The following CNIH3 variants were observed in gnomAD, a reference collection of about 807,000 sequenced individuals.
CNIH3 encodes cornichon family AMPA receptor auxiliary protein 3, also known as protein cornichon homolog 3.
A neutral mutation model predicts 24.1 loss-of-function variants in CNIH3; 14 were observed. The observed-to-expected ratio is 0.58, with a 90% confidence interval of 0.38 to 0.91. The LOEUF (loss-of-function observed/expected upper bound fraction) is 0.91. CNIH3 is among the 40% of genes least tolerant of loss of function. The pLI, the probability that CNIH3 is intolerant of heterozygous loss-of-function variation, is 0.00. For synonymous variants in CNIH3, 68 were observed against 73.8 expected (o/e 0.92, Z 0.40); for missense variants, 178 against 196.8 (o/e 0.90, Z 0.57).
chr1:224,523,692 A>G (rs935438094), intron 2 of CNIH3, among the ~76,000 whole-genome samples: 2 of 152,160 alleles, frequency 1.3e-5, no homozygotes, highest in African/African-American at 4.8e-5. Context: ...ACTTCTCTAT[A>G]TGTGTGTTAC....
chr1:224,471,200 A>G (rs1676355261), intron 1 of CNIH3, among the ~76,000 whole-genome samples: 1 of 151,986 alleles, frequency 6.6e-6, no homozygotes, highest in Admixed American at 6.6e-5. Context: ...CACCACATCC[A>G]GCTCATGTTT....
At chr1:224,739,230 C>T in intron 5 of CNIH3, 99 bp from the exon 6 acceptor site, 3 of 1,532,106 alleles carry the variant, frequency 2.0e-6, no homozygotes, top group Admixed American at 2.2e-5. Flanking sequence ...GGTCTGGCCT[C>T]TGGAAGGTCC....
intron 5 of CNIH3, chr1:224,587,440 A>C (rs573506128): frequency 6.6e-6 from 1 of 152,376 alleles, no homozygotes; most frequent in Non-Finnish European, 1.5e-5. Flanking sequence ...TTCTGCCTGC[A>C]CAGAGATACC....
chr1:224,500,945 C>T (rs1242980651), intron 1 of CNIH3, among the ~76,000 whole-genome samples: 3 of 152,146 alleles, frequency 2.0e-5, no homozygotes. Flanking sequence ...TTCCACACAC[C>T]CTGCACCATC....
chr1:224,678,451 G>A (rs1185866443), intron 1 of CNIH3, among the ~76,000 whole-genome samples: 3 of 152,140 alleles, frequency 2.0e-5, no homozygotes, highest in Admixed American at 6.5e-5. Context: ...GTTTAGTACC[G>A]ACAGTACTTT....
At chr1:224,435,543 A>G (rs1572232643) in intron 1 of CNIH3, among the ~76,000 whole-genome samples, 1 of 152,054 alleles carries the variant, frequency 6.6e-6, no homozygotes, top group Non-Finnish European at 1.5e-5. Context: ...CTTGCCCAGC[A>G]CCTCCTTCTC....
At position 224,609,022 on chromosome 1, in the gene CNIH3, C is replaced by G. The variant is rs190525305; in HGVS notation, n.402+42758C>G. ...CTATCTGTTGGGAGACTGCCTCTCTCTGGCACGGGGCCACAACCAATTATT... is the reference window on the plus strand; with the variant it reads ...CTATCTGTTGGGAGACTGCCTCTCTGTGGCACGGGGCCACAACCAATTATT... On this transcript the variant is annotated intron_variant and non_coding_transcript_variant, in intron 3 of 7. Coordinates refer to the CNIH3 transcript ENST00000478120. 2.1e-4 allele frequency among the ~76,000 whole-genome samples: 32 copies of G among 152,328 alleles called. No individual in the cohort carries two copies. The East Asian group carries it at 6.0e-3, about 28-fold the overall frequency.
chr1:224,531,389 A>G (rs923635742), intron 2 of CNIH3, among the ~76,000 whole-genome samples: 1 of 152,186 alleles, frequency 6.6e-6, no homozygotes, highest in African/African-American at 2.4e-5. Context: ...GTACCTTTAT[A>G]TAATACAGGG....
downstream of CNIH3, among the ~76,000 whole-genome samples, chr1:224,592,532 C>G (rs997487521): frequency 6.6e-6 from 1 of 152,200 alleles, no homozygotes; most frequent in African/African-American, 2.4e-5. Flanking sequence ...TGAAAAATGG[C>G]ACACCCGCTC....
chr1:224,633,783 A>G (rs1683946582), intron 1 of CNIH3, among the ~76,000 whole-genome samples: 1 of 152,232 alleles, frequency 6.6e-6, no homozygotes, highest in Admixed American at 6.5e-5. Flanking sequence ...TCCAGAGGAA[A>G]TCAGACTGGT....
intron 5 of CNIH3, chr1:224,587,368 A>G (rs1309258038): frequency 6.6e-6 from 1 of 152,448 alleles, no homozygotes; most frequent in Non-Finnish European, 1.5e-5. Flanking sequence ...GCAACCCAGT[A>G]GAAGCCAGGG....
At chr1:224,696,146 G>T (rs979824145) in intron 3 of CNIH3, among the ~76,000 whole-genome samples, 1 of 152,180 alleles carries the variant, frequency 6.6e-6, no homozygotes, top group Non-Finnish European at 1.5e-5. Flanking sequence ...GCTGTCTAGA[G>T]ACCCAGGCTC....
chr1:224,459,352 C>A, intron 1 of CNIH3: 2 of 424,020 alleles, frequency 4.7e-6, no homozygotes, highest in Non-Finnish European at 6.3e-6. Context: ...GAAATCCTTG[C>A]AGTATGAAAA....
intron 3 of CNIH3, among the ~76,000 whole-genome samples, chr1:224,603,719 TA>T (rs1682300307): frequency 6.6e-6 from 1 of 152,190 alleles, no homozygotes; most frequent in Non-Finnish European, 1.5e-5. Flanking sequence ...ATTGAAGAAA[TA>T]AAAAGCATTG....
intron 4 of CNIH3, among the ~76,000 whole-genome samples, chr1:224,580,107 A>G (rs901403978): frequency 1.3e-5 from 2 of 152,164 alleles, no homozygotes; most frequent in African/African-American, 4.8e-5. Flanking sequence ...TACCCCAATA[A>G]GAGAGTAAAC....
chr1:224,462,590 T>C (rs1675960114), intron 1 of CNIH3, among the ~76,000 whole-genome samples: 1 of 150,890 alleles, frequency 6.6e-6, no homozygotes, highest in African/African-American at 2.4e-5. Flanking sequence ...CGCCTTGGCC[T>C]CCCAAAATGC....
At chr1:224,436,645 T>C (rs1674679972) in intron 1 of CNIH3, among the ~76,000 whole-genome samples, 1 of 152,230 alleles carries the variant, frequency 6.6e-6, no homozygotes, top group Non-Finnish European at 1.5e-5. Flanking sequence ...TTTTTCTCTG[T>C]ACTAAAACAC....
At chr1:224,629,281 A>G (rs937260484) in intron 1 of CNIH3, among the ~76,000 whole-genome samples, 1 of 152,086 alleles carries the variant, frequency 6.6e-6, no homozygotes, top group African/African-American at 2.4e-5. Context: ...TGCTGGGATT[A>G]CAGGCGTGTG....
At chr1:224,481,447 C>T (rs926798264) in intron 1 of CNIH3, among the ~76,000 whole-genome samples, 7 of 152,064 alleles carry the variant, frequency 4.6e-5, no homozygotes, top group East Asian at 1.9e-4. Context: ...TTTTGGTCAG[C>T]GCAGCCATAG....
Sources: allele counts gnomAD v4.1 joint callset (sites outside exome capture counted in the v4.1 genomes callset), GRCh38; gene constraint gnomAD v4.1.1; transcripts MANE v1.5; gene names NCBI Gene and HGNC (gene_info 2026-07-23, HGNC 2026-07-21).